SORBS2: variants seen among roughly 807,000 people sequenced by gnomAD.
SORBS2 encodes sorbin and SH3 domain containing 2.
In SORBS2, 46 loss-of-function variants were observed where a neutral mutation model predicts 97.7. The observed-to-expected ratio is 0.47, with a 90% CI of 0.37 to 0.60. The LOEUF is 0.60. Among genes scored for constraint, SORBS2 ranks in the 20% least tolerant of loss-of-function variants. The probability of loss-of-function intolerance (pLI) is 0.00; values close to 1 mark genes in which losing one functional copy is unlikely to be tolerated. For missense variants in SORBS2, 1,316 were observed against 1,282.3 expected (o/e 1.03, Z -0.40); for synonymous variants, 476 against 473.4 (o/e 1.01, Z -0.07).
intron 1 of SORBS2, among the ~76,000 whole-genome samples, chr4:185,805,825 A>G (rs796872542): frequency 2.6e-5 from 4 of 152,342 alleles, no homozygotes; most frequent in African/African-American, 9.6e-5. Flanking sequence ...GCGTTTTGGA[A>G]AGTGCTCAAA....
chr4:185,803,587 GC>G (rs2099140648), intron 1 of SORBS2, among the ~76,000 whole-genome samples: 2 of 152,070 alleles, frequency 1.3e-5, no homozygotes, highest in Admixed American at 1.3e-4. Context: ...TGGTAATTCT[GC>G]TCTTCTGCCA....
At chr4:185,851,922 C>T (rs1401652785) in intron 1 of SORBS2, among the ~76,000 whole-genome samples, 1 of 152,140 alleles carries the variant, frequency 6.6e-6, no homozygotes, top group East Asian at 1.9e-4. Context: ...TTAATAAACT[C>T]CCATATATGT....
chr4:185,589,778 C>G, exon 14 of SORBS2: 1 of 1,587,690 alleles, frequency 6.3e-7, no homozygotes, highest in Non-Finnish European at 8.7e-7. Context: ...TTATACAGAG[C>G]CTGAAACCTT....
intron 1 of SORBS2, among the ~76,000 whole-genome samples, chr4:185,873,364 G>A (rs776297084): frequency 3.3e-5 from 5 of 152,168 alleles, no homozygotes; most frequent in Non-Finnish European, 4.4e-5. Context: ...CTGAGTGCTA[G>A]CTGCCAATAG....
intron 2 of SORBS2, among the ~76,000 whole-genome samples, chr4:185,721,403 T>C (rs1382699879): frequency 6.6e-6 from 1 of 152,128 alleles, no homozygotes; most frequent in Non-Finnish European, 1.5e-5. Context: ...ATGACAGATG[T>C]GAACGTTTGA....
Position 185,927,401 on chromosome 4 carries a change from T to A in SORBS2, c.-338+28795A>T, listed in dbSNP as rs554734569. 5.9e-5 allele frequency among the ~76,000 whole-genome samples: 9 copies of A among 152,084 alleles called. No homozygotes were observed. The South Asian group carries it at 1.9e-3, about 32-fold the overall frequency. On this transcript the variant is annotated intron_variant, in intron 1 of 20. Coordinates refer to the SORBS2 transcript ENST00000284776. ...TGTCACCTAGGTTTTAAGCCCCACATGCATTAGGTATTTGTCCTAATGCTC... is the reference window on the plus strand; with the variant it reads ...TGTCACCTAGGTTTTAAGCCCCACAAGCATTAGGTATTTGTCCTAATGCTC...
intron 1 of SORBS2, among the ~76,000 whole-genome samples, chr4:185,943,594 T>A (rs2099273137): frequency 6.6e-6 from 1 of 152,092 alleles, no homozygotes. Context: ...CTTCACAAAG[T>A]CAATGTCACA....
rs150164232 is a variant in SORBS2 at position 185,747,312 on chromosome 4, T to C, written c.-198+27915A>G. On this transcript the variant is annotated intron_variant, in intron 2 of 20. Coordinates refer to the SORBS2 transcript ENST00000284776. Reference sequence around the variant, plus strand: ...AAAGCCACCAGTCTGTGGTACTTTGTTATGGAAGCCCAAGCAGACTAATAC... The same window carrying C: ...AAAGCCACCAGTCTGTGGTACTTTGCTATGGAAGCCCAAGCAGACTAATAC... Among the ~76,000 whole-genome samples, 364 of 152,284 alleles carry C rather than the reference T, an allele frequency of 2.4e-3. 2 individuals carry two copies. Among genetic ancestry groups the C allele is most frequent in the African/African-American group, 8.6e-3 (357 of 41,546 alleles).
intron 2 of SORBS2, among the ~76,000 whole-genome samples, chr4:185,728,647 G>A (rs540687147): frequency 6.6e-6 from 1 of 152,162 alleles, no homozygotes; most frequent in Non-Finnish European, 1.5e-5. Context: ...AATCGGAGTC[G>A]TTCCTAATTC....
chr4:185,838,078 A>T (rs2099209207), intron 1 of SORBS2, among the ~76,000 whole-genome samples: 1 of 152,192 alleles, frequency 6.6e-6, no homozygotes, highest in African/African-American at 2.4e-5. Context: ...ATTCCAACAG[A>T]TGATGCTTTT....
chr4:185,663,566 C>T (rs921553132), intron 4 of SORBS2, among the ~76,000 whole-genome samples: 1 of 152,238 alleles, frequency 6.6e-6, no homozygotes, highest in African/African-American at 2.4e-5. Context: ...CTGTGAGGCA[C>T]AGGCCTGCCC....
chr4:185,741,174 A>G (rs2098722656), intron 2 of SORBS2, among the ~76,000 whole-genome samples: 1 of 152,074 alleles, frequency 6.6e-6, no homozygotes, highest in Non-Finnish European at 1.5e-5. Context: ...TATGAACACA[A>G]GTAGGCATAA....
chr4:185,742,295 C>T (rs938741535), intron 2 of SORBS2, among the ~76,000 whole-genome samples: 4 of 152,204 alleles, frequency 2.6e-5, no homozygotes, highest in Non-Finnish European at 2.9e-5. Flanking sequence ...AACATATGCA[C>T]CCAGGAGCAT....
chr4:185,851,255 C>T (rs1019087483), intron 1 of SORBS2, among the ~76,000 whole-genome samples: 1 of 152,154 alleles, frequency 6.6e-6, no homozygotes, highest in African/African-American at 2.4e-5. Flanking sequence ...CTCGGAAAAC[C>T]TGTATCTTCC....
At chr4:185,908,117 C>T (rs1385838585) in intron 1 of SORBS2, among the ~76,000 whole-genome samples, 1 of 151,702 alleles carries the variant, frequency 6.6e-6, no homozygotes, top group Non-Finnish European at 1.5e-5. Flanking sequence ...CTTTTGCTTT[C>T]TTCTTCTTGA....
In SORBS2 at chr4:185,912,790, G is replaced by A. The variant is rs1351772866; in HGVS notation, c.-338+43406C>T. ...CATTTTTTGCTCTGGAGAACATCAAGCAAAATATTTGATCTGCTGTCTAAG... is the reference window on the plus strand; with the variant it reads ...CATTTTTTGCTCTGGAGAACATCAAACAAAATATTTGATCTGCTGTCTAAG... On this transcript the variant is annotated intron_variant, in intron 1 of 20. Transcript: ENST00000284776. Among the ~76,000 whole-genome samples the A allele has an allele frequency of 2.6e-5, 4 of 152,148 alleles. No individual in the cohort carries two copies. The Middle Eastern group carries it at 0.01, about 388-fold the overall frequency.
intron 1 of SORBS2, among the ~76,000 whole-genome samples, chr4:185,909,360 C>T (rs1478675727): frequency 6.6e-6 from 1 of 152,036 alleles, no homozygotes; most frequent in African/African-American, 2.4e-5. Flanking sequence ...CGTAGAATGA[C>T]AAGCATTGGA....
Position 185,627,035 on chromosome 4 carries a change from A to G in SORBS2, c.447-16T>C, listed in dbSNP as rs1206363324. The G allele has an allele frequency of 3.7e-6, 6 of 1,613,382 alleles. No individual in the cohort carries two copies. The highest frequency in any genetic ancestry group is 5.1e-6 in the Non-Finnish European group (6 of 1,179,856). Reference sequence around the variant, plus strand: ...GCTTGCAGAACTGAAAGAAGGAATCAGATCTGTTTGATTGGCACTGGAGGA... The same window carrying G: ...GCTTGCAGAACTGAAAGAAGGAATCGGATCTGTTTGATTGGCACTGGAGGA... On this transcript the variant is annotated splice_polypyrimidine_tract_variant and intron_variant, in intron 5 of 14. Transcript: ENST00000418609.
At chr4:185,954,742 G>A (rs540051892) in intron 1 of SORBS2, among the ~76,000 whole-genome samples, 24 of 152,168 alleles carry the variant, frequency 1.6e-4, no homozygotes, top group Non-Finnish European at 3.1e-4. Flanking sequence ...GGCGGATCAC[G>A]AGGTCAGGAG....
Sources: gnomAD v4.1 joint callset for allele counts (sites outside exome capture counted in the v4.1 genomes callset) on GRCh38, gnomAD v4.1.1 for gene constraint, MANE v1.5 for transcripts, NCBI Gene and HGNC (gene_info 2026-07-23, HGNC 2026-07-21) for gene names.